ADGRL2: variants seen among roughly 807,000 people sequenced by gnomAD.
The protein encoded by ADGRL2 is calcium-independent alpha-latrotoxin receptor 2.
Under a neutral mutation model 157.4 loss-of-function variants are expected in ADGRL2, and 44 were observed. The observed-to-expected ratio is 0.28, with a 90% CI of 0.22 to 0.36. ADGRL2 has a LOEUF of 0.36. Ranked by LOEUF, ADGRL2 falls within the 10% of genes least tolerant of loss-of-function variation. The pLI, the probability that ADGRL2 is intolerant of heterozygous loss-of-function variation, is 1.00. For missense variants in ADGRL2, 1,510 were observed against 1,768.9 expected, an observed-to-expected ratio of 0.85 and a Z score of 2.63; for synonymous variants, 585 against 624.7, an observed-to-expected ratio of 0.94 and a Z score of 0.95.
At chr1:81,755,831 C>A (rs1498208) in intron 1 of ADGRL2, among the ~76,000 whole-genome samples, 2 of 151,528 alleles carry the variant, frequency 1.3e-5, no homozygotes, top group East Asian at 2.0e-4. Flanking sequence ...TGTATTAAGC[C>A]CAAACGACTC....
intron 11 of ADGRL2, among the ~76,000 whole-genome samples, chr1:81,960,034 A>T (rs1654830974): frequency 6.6e-6 from 1 of 152,194 alleles, no homozygotes; most frequent in Admixed American, 6.5e-5. Flanking sequence ...TCCTGACCTA[A>T]GGTGATCCAC....
At chr1:81,326,486 TA>T (rs1188882044) in intron 1 of ADGRL2, among the ~76,000 whole-genome samples, 1 of 152,348 alleles carries the variant, frequency 6.6e-6, no homozygotes, top group East Asian at 1.9e-4. Flanking sequence ...TGTCATATAC[TA>T]ACTGTTTTAA....
intron 2 of ADGRL2, among the ~76,000 whole-genome samples, chr1:81,563,338 T>C (rs1377508470): frequency 6.6e-6 from 1 of 152,188 alleles, no homozygotes; most frequent in Non-Finnish European, 1.5e-5. Context: ...GGTGTCTGTG[T>C]CACTATTATT....
At position 81,604,363 on chromosome 1, in the gene ADGRL2, G is replaced by C. The variant is rs2081391933; in HGVS notation, c.-143+23383G>C. ...TCCTCATCCTCGTTTCCCCATGCGG[G>C]GCATTGTGTGGACTCCTGCAGTCCA... On this transcript the variant is annotated intron_variant, in intron 3 of 24. Coordinates refer to the ADGRL2 transcript ENST00000370721. Among the ~76,000 whole-genome samples, 3 of 152,062 alleles carry C rather than the reference G, an allele frequency of 2.0e-5. No individual in the cohort carries two copies. The South Asian group carries it at 6.2e-4, about 32-fold the overall frequency.
rs539186275 is a variant in ADGRL2 at position 81,764,179 on chromosome 1, G to A, written c.-101+2327G>A. 3.4e-5 allele frequency among the ~76,000 whole-genome samples: 4 copies of A among 118,192 alleles called. No homozygotes were observed. In the East Asian group the frequency reaches 8.7e-4, roughly 26 times the overall value. The allele number at this position is 118,192 out of a possible 152,430, so 77.5% of individuals were successfully genotyped here. On this transcript the variant is annotated intron_variant, in intron 2 of 20. Transcript: ENST00000359929. ...TGCACTCCAGCTTGGGTGACAGAGCGAGACTCTGTCAAAAAAAAAAAAAAA... is the reference window on the plus strand; with the variant it reads ...TGCACTCCAGCTTGGGTGACAGAGCAAGACTCTGTCAAAAAAAAAAAAAAA...
In ADGRL2 at chr1:81,877,401, G is replaced by A. The variant is rs977464353; in HGVS notation, c.74-29616G>A. On this transcript the variant is annotated intron_variant, in intron 2 of 23. Coordinates refer to ENST00000686636, the MANE Select transcript of ADGRL2 (RefSeq NM_001366006.2). ...TTAAAATATTACTATTAGGATTAAA[G>A]TAATTATAATATTATTCATAAAGTA... 2.0e-5 allele frequency among the ~76,000 whole-genome samples: 3 copies of A among 152,094 alleles called. No homozygotes were observed. The East Asian group carries it at 5.8e-4, about 29-fold the overall frequency.
At chr1:81,784,125 A>G (rs2086929957) in intron 2 of ADGRL2, among the ~76,000 whole-genome samples, 1 of 152,168 alleles carries the variant, frequency 6.6e-6, no homozygotes, top group Admixed American at 6.5e-5. Flanking sequence ...TCTAAAAATA[A>G]AAAAAAGCAT....
chr1:81,643,781 T>G (rs1432693618), intron 3 of ADGRL2, among the ~76,000 whole-genome samples: 1 of 152,208 alleles, frequency 6.6e-6, no homozygotes, highest in African/African-American at 2.4e-5. Context: ...GATTCCATAT[T>G]CATGGATAAG....
At chr1:81,800,281 C>G (rs1285868676), upstream of ADGRL2, 1 of 152,146 alleles carries the variant, frequency 6.6e-6, no homozygotes, top group African/African-American at 2.4e-5. Context: ...AGAAAAAAAT[C>G]ATCGCAATTT....
intron 19 of ADGRL2, among the ~76,000 whole-genome samples, chr1:81,982,722 C>T (rs765710041): frequency 5.3e-5 from 8 of 151,794 alleles, no homozygotes; most frequent in African/African-American, 1.2e-4. Flanking sequence ...CCTGACAAGA[C>T]GATAGTGTTG....
At chr1:81,325,648 T>C (rs1182746908) in intron 1 of ADGRL2, among the ~76,000 whole-genome samples, 1 of 152,156 alleles carries the variant, frequency 6.6e-6, no homozygotes, top group African/African-American at 2.4e-5. Context: ...AGCCAAGAAT[T>C]CTCTTCCAAT....
intron 19 of ADGRL2, among the ~76,000 whole-genome samples, chr1:81,982,924 C>G (rs752359650): frequency 2.0e-5 from 3 of 151,940 alleles, no homozygotes; most frequent in Non-Finnish European, 4.4e-5. Flanking sequence ...AGTTAACACC[C>G]ATTAAATGTG....
chr1:81,899,096 G>A (rs558838406), intron 2 of ADGRL2, among the ~76,000 whole-genome samples: 2 of 152,236 alleles, frequency 1.3e-5, no homozygotes, highest in Admixed American at 1.3e-4. Flanking sequence ...AACAGTACAA[G>A]AAAAGTTGAA....
intron 1 of ADGRL2, among the ~76,000 whole-genome samples, chr1:81,756,368 T>G (rs893705174): frequency 6.6e-6 from 1 of 152,178 alleles, no homozygotes; most frequent in Non-Finnish European, 1.5e-5. Flanking sequence ...ATTTTCTTAA[T>G]GCTTATGATT....
chr1:81,771,197 A>G (rs2149346263), intron 2 of ADGRL2, among the ~76,000 whole-genome samples: 1 of 151,670 alleles, frequency 6.6e-6, no homozygotes, highest in East Asian at 2.0e-4. Flanking sequence ...CTCCTTTATC[A>G]AGTTAAGGGA....
chr1:81,668,433 G>C (rs1012533968), intron 3 of ADGRL2, among the ~76,000 whole-genome samples: 21 of 150,844 alleles, frequency 1.4e-4, no homozygotes, highest in African/African-American at 5.1e-4. Flanking sequence ...AAAAAAGCAA[G>C]TTTTCCTGGT....
At chr1:81,730,223 G>T (rs1190826719) in intron 1 of ADGRL2, among the ~76,000 whole-genome samples, 3 of 152,116 alleles carry the variant, frequency 2.0e-5, no homozygotes, top group Non-Finnish European at 4.4e-5. Context: ...CAGGCACATT[G>T]TAACAAATAC....
At chr1:81,725,203 CAA>C (rs71592739) in intron 1 of ADGRL2, among the ~76,000 whole-genome samples, 22 of 77,286 alleles carry the variant, frequency 2.8e-4, no homozygotes, top group Admixed American at 6.6e-4. Context: ...GACCCCGTCT[CAA>C]AAAAAAAAAA....
chr1:81,382,907 A>G (rs987101314), intron 1 of ADGRL2, among the ~76,000 whole-genome samples: 4 of 152,208 alleles, frequency 2.6e-5, no homozygotes, highest in Non-Finnish European at 5.9e-5. Flanking sequence ...CTATTTATCA[A>G]AGAAAACTTC....
Sources: allele counts gnomAD v4.1 joint callset (sites outside exome capture counted in the v4.1 genomes callset), GRCh38; gene constraint gnomAD v4.1.1; transcripts MANE v1.5; gene names NCBI Gene and HGNC (gene_info 2026-07-23, HGNC 2026-07-21).